The following SEM1 variants were observed in gnomAD, a reference collection of about 807,000 sequenced individuals.
The protein encoded by SEM1 is 26S proteasome complex subunit SEM1.
A neutral mutation model predicts 12.7 loss-of-function variants in SEM1; 3 were observed. The ratio of observed to expected loss-of-function variants is 0.24; its 90% CI spans 0.11 to 0.61. The LOEUF (loss-of-function observed/expected upper bound fraction) is 0.61, where lower values mean the gene tolerates loss of function less well. Among genes scored for constraint, SEM1 ranks in the 20% least tolerant of loss-of-function variants. The pLI, the probability that SEM1 is intolerant of heterozygous loss-of-function variation, is 0.88. For missense variants in SEM1, 59 were observed against 81.3 expected (o/e 0.73, Z 1.06); for synonymous variants, 30 against 27.8 (o/e 1.08, Z -0.25).
At chr7:96,582,820 C>T (rs998377518) in intron 2 of SEM1, among the ~76,000 whole-genome samples, 3 of 152,048 alleles carry the variant, frequency 2.0e-5, no homozygotes, top group Admixed American at 2.0e-4. Context: ...GTGGTGATAT[C>T]CCCTTTATCA....
intron 2 of SEM1, among the ~76,000 whole-genome samples, chr7:96,578,522 T>A (rs1307723123): frequency 6.6e-6 from 1 of 152,146 alleles, no homozygotes; most frequent in Non-Finnish European, 1.5e-5. Flanking sequence ...AGCACATTTC[T>A]AACAAACTAA....
chr7:96,604,692 G>A (rs1486626016), intron 2 of SEM1, among the ~76,000 whole-genome samples: 1 of 152,032 alleles, frequency 6.6e-6, no homozygotes, highest in Admixed American at 6.6e-5. Context: ...GCTGAGGCGG[G>A]CGAATCACTT....
intron 2 of SEM1, among the ~76,000 whole-genome samples, chr7:96,662,457 G>C (rs1789035123): frequency 6.6e-6 from 1 of 152,114 alleles, no homozygotes; most frequent in African/African-American, 2.4e-5. Context: ...CTCATAAGTG[G>C]GAGTTGAACA....
At chr7:96,496,152 A>G (rs1803242230) in intron 1 of SEM1, 1 of 555,982 alleles carries the variant, frequency 1.8e-6, no homozygotes, top group East Asian at 3.1e-5. Flanking sequence ...CGATTTGACT[A>G]AAACCAAACA....
chr7:96,670,033 G>A (rs1288885451), downstream of SEM1, among the ~76,000 whole-genome samples: 1 of 152,098 alleles, frequency 6.6e-6, no homozygotes, highest in Admixed American at 6.5e-5. Flanking sequence ...ACATAACTGA[G>A]CCAGGAGTAA....
chr7:96,658,037 T>C (rs1809237016), intron 2 of SEM1, among the ~76,000 whole-genome samples: 1 of 152,174 alleles, frequency 6.6e-6, no homozygotes, highest in African/African-American at 2.4e-5. Context: ...ATTTTAAGCA[T>C]GACGCAGCCA....
chr7:96,641,110 A>G (rs1033532879), intron 2 of SEM1, among the ~76,000 whole-genome samples: 13 of 151,772 alleles, frequency 8.6e-5, no homozygotes, highest in African/African-American at 2.9e-4. Context: ...ATTTTTAGGT[A>G]GTATTTTTTC....
chr7:96,568,035 T>C (rs1339629337), intron 2 of SEM1, among the ~76,000 whole-genome samples: 1 of 151,650 alleles, frequency 6.6e-6, no homozygotes, highest in East Asian at 1.9e-4. Context: ...AAAGTTTTTC[T>C]TCGATCTCTG....
intron 2 of SEM1, among the ~76,000 whole-genome samples, chr7:96,543,123 G>T (rs1171785410): frequency 6.6e-6 from 1 of 151,428 alleles, no homozygotes; most frequent in Non-Finnish European, 1.5e-5. Flanking sequence ...CTCCACATTT[G>T]TGGGTTCCAC....
At chr7:96,677,261 T>A (rs150989634) in intron 2 of SEM1, among the ~76,000 whole-genome samples, 37 of 152,274 alleles carry the variant, frequency 2.4e-4, no homozygotes, top group African/African-American at 7.0e-4. Context: ...AAGGGAATTA[T>A]CTTTATTGTG....
intron 2 of SEM1, among the ~76,000 whole-genome samples, chr7:96,530,687 T>A (rs1804613108): frequency 6.6e-6 from 1 of 152,218 alleles, no homozygotes; most frequent in South Asian, 2.1e-4. Flanking sequence ...CGGCGTAGCA[T>A]TCCTAAGCAG....
Position 96,546,991 on chromosome 7 carries a change from C to T in SEM1, c.171-40293G>A, listed in dbSNP as rs927641646. On this transcript the variant is annotated intron_variant and NMD_transcript_variant, in intron 2 of 3. Transcript: ENST00000466986. ...GGACATATATGTATCACATGGGGAA[C>T]CTGCAAATTCTCTAATGCAGATTGC... is the stretch of plus-strand genomic sequence containing the variant. Among the ~76,000 whole-genome samples, 6 of 152,020 alleles carry T rather than the reference C, an allele frequency of 3.9e-5. 1 individual carries two copies. The South Asian group carries it at 1.0e-3, about 26-fold the overall frequency.
At chr7:96,658,756 C>T (rs1393328767) in intron 2 of SEM1, among the ~76,000 whole-genome samples, 1 of 152,184 alleles carries the variant, frequency 6.6e-6, no homozygotes, top group East Asian at 1.9e-4. Context: ...TAACACAGTG[C>T]TGAGTGTCCC....
Position 96,709,703 on chromosome 7 carries a change from C to T in SEM1, c.61G>A (p.Glu21Lys). The T allele has an allele frequency of 6.2e-7, 1 of 1,613,828 alleles. No individual in the cohort carries two copies. The highest frequency in any genetic ancestry group is 8.5e-7 in the Non-Finnish European group (1 of 1,179,870). The change falls in exon 1 of 3, where the codon GAG becomes AAG. Residue 21 changes from glutamate (E) to lysine (K), a missense_variant. Transcript: ENST00000248566. ...GLLEEDDEFE[E>K]FPAEDWAGLD... ...CAGCGGTTACCTTCGGCAGGGAACT[C>T]TTCAAACTCGTCGTCTTCCTCTAAC...
chr7:96,553,039 G>T (rs557885128), intron 2 of SEM1, among the ~76,000 whole-genome samples: 2 of 152,110 alleles, frequency 1.3e-5, no homozygotes, highest in East Asian at 3.9e-4. Flanking sequence ...TTTTGATGGG[G>T]TTGTTTGTTT....
chr7:96,617,033 T>C (rs1807742400), intron 2 of SEM1, among the ~76,000 whole-genome samples: 1 of 151,796 alleles, frequency 6.6e-6, no homozygotes, highest in Non-Finnish European at 1.5e-5. Context: ...ATTCAGGCTC[T>C]TTTTTTGGTT....
chr7:96,679,605 A>C (rs889886409), intron 2 of SEM1, among the ~76,000 whole-genome samples: 4 of 152,118 alleles, frequency 2.6e-5, no homozygotes, highest in South Asian at 2.1e-4. Context: ...GCAATAAAAA[A>C]GTATATTTCT....
chr7:96,505,827 C>T (rs1803738674), intron 3 of SEM1, among the ~76,000 whole-genome samples: 1 of 152,104 alleles, frequency 6.6e-6, no homozygotes, highest in African/African-American at 2.4e-5. Flanking sequence ...CTCTTAACAC[C>T]ATCACCTTGG....
At chr7:96,626,526 G>A (rs1808072312) in intron 2 of SEM1, among the ~76,000 whole-genome samples, 1 of 151,860 alleles carries the variant, frequency 6.6e-6, no homozygotes, top group Admixed American at 6.6e-5. Flanking sequence ...ATAATGAAGG[G>A]ATGTTGAAAT....
Sources: allele counts gnomAD v4.1 joint callset (sites outside exome capture counted in the v4.1 genomes callset), GRCh38; gene constraint gnomAD v4.1.1; transcripts MANE v1.5; gene names NCBI Gene and HGNC (gene_info 2026-07-23, HGNC 2026-07-21).